Variants in MIS18A observed in about 807,000 individuals in gnomAD.
MIS18A encodes the protein protein Mis18-alpha.
A neutral mutation model predicts 25.0 loss-of-function variants in MIS18A; 14 were observed. That is an observed-to-expected ratio of 0.56 (90% CI 0.37 to 0.88). MIS18A has a LOEUF of 0.88. MIS18A is among the 40% of genes least tolerant of loss of function. The pLI is 0.00. For synonymous variants in MIS18A, 134 were observed against 118.6 expected (o/e 1.13, Z -0.84); for missense variants, 292 against 290.8 (o/e 1.00, Z -0.03).
chr21:32,253,099 C>T, the MIS18A span, among the ~76,000 whole-genome samples: 3 of 152,254 alleles, frequency 2.0e-5, no homozygotes, highest in East Asian at 3.9e-4. Flanking sequence ...TGGGCGAGGA[C>T]GGAAGGGTGG....
At chr21:32,190,135 T>C in the MIS18A span, among the ~76,000 whole-genome samples, 11 of 152,194 alleles carry the variant, frequency 7.2e-5, no homozygotes, top group Non-Finnish European at 1.3e-4. Flanking sequence ...GTGAAATTGA[T>C]TTTTTCCACT....
At chr21:32,201,323 GA>G in the MIS18A span, among the ~76,000 whole-genome samples, 1 of 151,324 alleles carries the variant, frequency 6.6e-6, no homozygotes, top group East Asian at 1.9e-4. Flanking sequence ...GAACCAGGTG[GA>G]AAAAAAACAA....
chr21:32,260,719 A>C, the MIS18A span: 1 of 152,442 alleles, frequency 6.6e-6, no homozygotes, highest in Non-Finnish European at 1.5e-5. Flanking sequence ...AAAAATTTTC[A>C]AACAATACAC....
the MIS18A span, among the ~76,000 whole-genome samples, chr21:32,212,700 A>T: frequency 6.6e-6 from 1 of 152,142 alleles, no homozygotes; most frequent in Admixed American, 6.5e-5. Flanking sequence ...CCCACATGTC[A>T]AGGTGGGGGC....
the MIS18A span, among the ~76,000 whole-genome samples, chr21:32,220,328 G>C: frequency 2.6e-5 from 4 of 152,206 alleles, no homozygotes; most frequent in Non-Finnish European, 5.9e-5. Flanking sequence ...GTGATACCCT[G>C]GCAAACAGGA....
the MIS18A span, among the ~76,000 whole-genome samples, chr21:32,176,560 C>G: frequency 2.6e-5 from 4 of 152,190 alleles, no homozygotes; most frequent in Non-Finnish European, 5.9e-5. Flanking sequence ...TTGTGAGTTA[C>G]AGCTAATGCT....
the MIS18A span, among the ~76,000 whole-genome samples, chr21:32,189,659 G>C: frequency 6.6e-6 from 1 of 152,260 alleles, no homozygotes; most frequent in African/African-American, 2.4e-5. Context: ...TTATCATGCA[G>C]TGCTCTCTGT....
At chr21:32,167,938 T>A in the MIS18A span, among the ~76,000 whole-genome samples, 1 of 152,192 alleles carries the variant, frequency 6.6e-6, no homozygotes, top group East Asian at 1.9e-4. Context: ...TGTTATGGAC[T>A]GAACGATTGT....
At chr21:32,173,566 A>G in the MIS18A span, among the ~76,000 whole-genome samples, 1 of 152,242 alleles carries the variant, frequency 6.6e-6, no homozygotes, top group Admixed American at 6.5e-5. Flanking sequence ...ATGGATGAAT[A>G]AACAAAAGAT....
the MIS18A span, among the ~76,000 whole-genome samples, chr21:32,237,420 C>G: frequency 6.6e-6 from 1 of 152,304 alleles, no homozygotes; most frequent in East Asian, 1.9e-4. Flanking sequence ...GAGTCCATGT[C>G]CAAAAAGTAC....
rs147395181 is a variant in MIS18A, at chr21:32,272,046, T to C, written c.402-1517A>G. 4.5e-4 allele frequency among the ~76,000 whole-genome samples: 68 copies of C among 152,316 alleles called. 1 individual carries two copies. In the East Asian group the frequency reaches 0.013, roughly 29 times the overall value. On this transcript the variant is annotated intron_variant, in intron 2 of 4. Transcript: ENST00000290130. The stretch of plus-strand genomic sequence containing the variant: ...ATAGGAACAAACCCATTCACACTTC[T>C]AGAATCATCTTGTGGAGCAATGAAG...
chr21:32,222,934 C>CAAAA, the MIS18A span, among the ~76,000 whole-genome samples: 159 of 64,782 alleles, frequency 2.5e-3, no homozygotes, highest in African/African-American at 4.7e-3. Context: ...GACTCCGTCT[C>CAAAA]AAAAAAAAAA....
intron 2 of MIS18A, among the ~76,000 whole-genome samples, chr21:32,272,864 GAAGA>G (rs1319305444): frequency 2.0e-5 from 3 of 152,200 alleles, no homozygotes; most frequent in East Asian, 3.9e-4. Flanking sequence ...AGAAAGTGGA[GAAGA>G]AAGAGCACTT....
chr21:32,183,009 A>G, the MIS18A span, among the ~76,000 whole-genome samples: 1,748 of 152,284 alleles, frequency 0.011, 51 homozygotes, highest in East Asian at 0.11. Context: ...TCTGGGGATT[A>G]GTTTTTCACA....
At chr21:32,258,254 T>C in the MIS18A span, among the ~76,000 whole-genome samples, 1 of 152,138 alleles carries the variant, frequency 6.6e-6, no homozygotes, top group South Asian at 2.1e-4. Context: ...AGAATGCTAG[T>C]GCCTTGGGGA....
the MIS18A span, among the ~76,000 whole-genome samples, chr21:32,158,192 T>C: frequency 2.6e-5 from 4 of 152,196 alleles, no homozygotes; most frequent in Non-Finnish European, 5.9e-5. Context: ...AAAATAATTT[T>C]TTTCCTTACT....
chr21:32,258,535 T>C, the MIS18A span, among the ~76,000 whole-genome samples: 7 of 152,170 alleles, frequency 4.6e-5, no homozygotes, highest in East Asian at 1.4e-3. Context: ...TGCGGCCCCT[T>C]GTGGCCTGAT....
At chr21:32,158,327 CATT>C in the MIS18A span, among the ~76,000 whole-genome samples, 3 of 151,840 alleles carry the variant, frequency 2.0e-5, no homozygotes, top group African/African-American at 7.3e-5. Context: ...TAAAGAAACA[CATT>C]ATAGAATTTA....
At chr21:32,272,350 T>C (rs553394420) in intron 2 of MIS18A, among the ~76,000 whole-genome samples, 11 of 152,188 alleles carry the variant, frequency 7.2e-5, no homozygotes, top group Non-Finnish European at 1.6e-4. Context: ...TATCAAAAAA[T>C]TCACAAGCAT....
Sources: gnomAD v4.1 joint callset for allele counts (sites outside exome capture counted in the v4.1 genomes callset) on GRCh38, gnomAD v4.1.1 for gene constraint, MANE v1.5 for transcripts, NCBI Gene and HGNC (gene_info 2026-07-23, HGNC 2026-07-21) for gene names.